Variants in OSBPL1A observed in about 807,000 individuals in gnomAD.
The protein encoded by OSBPL1A is oxysterol binding protein like 1A, also known as oxysterol-binding protein-related protein 1.
A neutral mutation model predicts 137.1 loss-of-function variants in OSBPL1A; 80 were observed. The ratio of observed to expected loss-of-function variants is 0.58; its 90% CI spans 0.49 to 0.70. OSBPL1A has a LOEUF of 0.70. OSBPL1A is among the 30% of genes least tolerant of loss of function. The pLI is 0.00. For missense variants in OSBPL1A, 970 were observed against 1,129.4 expected (o/e 0.86, Z 2.02); for synonymous variants, 365 against 389.7 (o/e 0.94, Z 0.75).
intron 17 of OSBPL1A, among the ~76,000 whole-genome samples, chr18:24,206,547 C>T (rs1380271310): frequency 6.6e-6 from 1 of 152,152 alleles, no homozygotes; most frequent in Non-Finnish European, 1.5e-5. Flanking sequence ...TAATAAATCC[C>T]AAACAATTTT....
chr18:24,278,926 T>G (rs1244677152), intron 15 of OSBPL1A, among the ~76,000 whole-genome samples: 1 of 152,218 alleles, frequency 6.6e-6, no homozygotes, highest in African/African-American at 2.4e-5. Flanking sequence ...AGGAGGGATA[T>G]TTTCAAACAG....
chr18:24,276,605 G>C (rs1417187329), intron 15 of OSBPL1A, among the ~76,000 whole-genome samples: 1 of 151,728 alleles, frequency 6.6e-6, no homozygotes, highest in Non-Finnish European at 1.5e-5. Context: ...CACCACACCT[G>C]GCTAATTTTT....
chr18:24,232,756 A>C (rs2088320955), intron 16 of OSBPL1A, among the ~76,000 whole-genome samples: 1 of 152,258 alleles, frequency 6.6e-6, no homozygotes, highest in Non-Finnish European at 1.5e-5. Context: ...GTAATAAGTC[A>C]ACATTTACTA....
rs202081638 is a variant in OSBPL1A, at chr18:24,200,176, TA to T, written c.1602-3977del. On this transcript the variant is annotated intron_variant, in intron 17 of 27. Coordinates refer to ENST00000319481, the MANE Select transcript of OSBPL1A (RefSeq NM_080597.4). ...CTTTTAGAGCATATCTCAATTAAGC[TA>T]CTAAACAGTTAACATGAAATCTAGT... is the stretch of plus-strand genomic sequence containing the variant. Among the ~76,000 whole-genome samples, 1,158 of 152,362 alleles carry T rather than the reference TA, an allele frequency of 7.6e-3. 10 individuals are homozygous for T. The highest frequency in any genetic ancestry group is 0.027 in the African/African-American group (1,118 of 41,592).
rs67402123 is a variant in OSBPL1A, at chr18:24,180,481, G to GTGTGTA, written c.1813-647_1813-646insTACACA. Reference sequence around the variant, plus strand: ...CTATTTTGTGTGTGTGTGTGTGTGTGTGTATGTGTTAACTTCTTCTTGGAA... The same window carrying GTGTGTA: ...CTATTTTGTGTGTGTGTGTGTGTGTGTGTGTATGTATGTGTTAACTTCTTCTTGGAA... On this transcript the variant is annotated intron_variant, in intron 19 of 27. Coordinates refer to ENST00000319481, the MANE Select transcript of OSBPL1A (RefSeq NM_080597.4). Among the ~76,000 whole-genome samples the GTGTGTA allele has an allele frequency of 5.5e-3, 825 of 149,832 alleles. 4 individuals are homozygous for GTGTGTA. Among genetic ancestry groups the GTGTGTA allele is most frequent in the Non-Finnish European group, 8.9e-3 (597 of 67,222 alleles).
At position 24,268,525 on chromosome 18, in the gene OSBPL1A, A is replaced by ATT. The variant is rs67553198; in HGVS notation, c.1281+12315_1281+12316dup. ...TCTGCATGTTCTGCACATGTACCCC[A>ATT]TTTTTTTTTGTTTTTGTTTTTTAGA... On this transcript the variant is annotated intron_variant, in intron 15 of 27. Coordinates refer to ENST00000319481, the MANE Select transcript of OSBPL1A (RefSeq NM_080597.4). 3.6e-4 allele frequency among the ~76,000 whole-genome samples: 54 copies of ATT among 150,718 alleles called. 1 individual carries two copies. In the South Asian group the frequency reaches 0.01, roughly 29 times the overall value.
intron 17 of OSBPL1A, among the ~76,000 whole-genome samples, chr18:24,201,910 G>C (rs2087232951): frequency 6.6e-6 from 1 of 152,068 alleles, no homozygotes; most frequent in Non-Finnish European, 1.5e-5. Context: ...ACTCAACACT[G>C]TTTGCTCATA....
chr18:24,184,325 A>T (rs2086687457), intron 18 of OSBPL1A, among the ~76,000 whole-genome samples: 1 of 152,196 alleles, frequency 6.6e-6, no homozygotes, highest in South Asian at 2.1e-4. Flanking sequence ...GAGGTGTATT[A>T]TTCCCAATTT....
At chr18:24,205,999 T>G (rs1013384435) in intron 17 of OSBPL1A, among the ~76,000 whole-genome samples, 1 of 152,154 alleles carries the variant, frequency 6.6e-6, no homozygotes, top group Admixed American at 6.5e-5. Flanking sequence ...CAAGTGATTC[T>G]CCTGCCTCAG....
intron 13 of OSBPL1A, among the ~76,000 whole-genome samples, chr18:24,306,364 T>C (rs1356480654): frequency 2.0e-5 from 3 of 152,164 alleles, no homozygotes; most frequent in East Asian, 1.9e-4. Context: ...AGGGGGTGAA[T>C]AGCTAGAGAG....
chr18:24,210,040 C>CA (rs1229349760), intron 17 of OSBPL1A, among the ~76,000 whole-genome samples: 2 of 152,108 alleles, frequency 1.3e-5, no homozygotes, highest in African/African-American at 4.8e-5. Context: ...ACGAAACAAA[C>CA]AAAAAGAAAC....
At chr18:24,231,345 T>C (rs984690195) in intron 16 of OSBPL1A, among the ~76,000 whole-genome samples, 6 of 152,184 alleles carry the variant, frequency 3.9e-5, no homozygotes, top group African/African-American at 1.2e-4. Flanking sequence ...CAGTCTGGAG[T>C]GCAGTGGCGT....
chr18:24,175,108 G>GTATATATATATATATA lies in OSBPL1A; in HGVS notation c.2094-2641_2094-2626dup, dbSNP rs71163664. Among the ~76,000 whole-genome samples, 7 of 111,494 alleles carry GTATATATATATATATA rather than the reference G, an allele frequency of 6.3e-5. No homozygotes were observed. The South Asian group carries it at 8.2e-4, about 13-fold the overall frequency. The allele number at this position is 111,494 out of a possible 152,430, so 73.1% of individuals were successfully genotyped here. A position where few individuals can be genotyped will look rare whatever the true frequency, so the allele number is the denominator to read the frequency against. ...TCATGTGCTTATTTGCCATGTGTAT[G>GTATATATATATATATA]TATATATATATATATATATATATAT... On this transcript the variant is annotated intron_variant, in intron 21 of 27. Transcript: ENST00000319481.
At chr18:24,211,663 T>TAA (rs55928349) in intron 17 of OSBPL1A, among the ~76,000 whole-genome samples, 27 of 144,208 alleles carry the variant, frequency 1.9e-4, no homozygotes, top group Admixed American at 5.6e-4. Flanking sequence ...ACAAGGCAGT[T>TAA]AAAAAAAAAA....
chr18:24,362,717 C>A (rs888518201), intron 4 of OSBPL1A, among the ~76,000 whole-genome samples: 3 of 151,856 alleles, frequency 2.0e-5, no homozygotes, highest in African/African-American at 7.3e-5. Context: ...TTTAAATAAT[C>A]AAAAAAACAT....
At chr18:24,192,277 TGGA>T (rs2086907907) in intron 18 of OSBPL1A, among the ~76,000 whole-genome samples, 1 of 151,934 alleles carries the variant, frequency 6.6e-6, no homozygotes, top group African/African-American at 2.4e-5. Context: ...AGCAAAGGGA[TGGA>T]GGAGAAGAGG....
intron 17 of OSBPL1A, among the ~76,000 whole-genome samples, chr18:24,210,089 C>T (rs1394305483): frequency 6.6e-6 from 1 of 152,160 alleles, no homozygotes; most frequent in Admixed American, 6.5e-5. Context: ...ATTAGCATTT[C>T]TCAAACTTTT....
intron 15 of OSBPL1A, among the ~76,000 whole-genome samples, chr18:24,256,168 C>G (rs2089268589): frequency 6.6e-6 from 1 of 152,110 alleles, no homozygotes; most frequent in Non-Finnish European, 1.5e-5. Context: ...AAAGACACAT[C>G]ACAAAAAGAA....
Position 24,275,653 on chromosome 18 carries a change from A to G in OSBPL1A, c.1281+5189T>C, listed in dbSNP as rs147204573. ...AGTGTCCAGTCCAAAGAAGCAGTAC[A>G]GAATTCCAACCCTTCAGACGGTTCC... On this transcript the variant is annotated intron_variant, in intron 15 of 27. Transcript: ENST00000319481. 4.4e-4 allele frequency among the ~76,000 whole-genome samples: 67 copies of G among 152,338 alleles called. 1 individual carries two copies. In the East Asian group the frequency reaches 0.013, roughly 28 times the overall value.
Sources: gnomAD v4.1 joint callset for allele counts (sites outside exome capture counted in the v4.1 genomes callset) on GRCh38, gnomAD v4.1.1 for gene constraint, MANE v1.5 for transcripts, NCBI Gene and HGNC (gene_info 2026-07-23, HGNC 2026-07-21) for gene names.